The following PABPN1L variants were observed in gnomAD, a reference collection of about 807,000 sequenced individuals.
PABPN1L encodes the protein PABPN1 like, cytoplasmic.
PABPN1L carries 45 observed loss-of-function variants against 34.0 expected under a neutral mutation model. That is an observed-to-expected ratio of 1.32 (90% CI 1.04 to 1.70). The LOEUF (loss-of-function observed/expected upper bound fraction) is 1.70, where lower values mean the gene tolerates loss of function less well. Ranked by LOEUF, PABPN1L falls within the 40% of genes most tolerant of loss-of-function variation. The pLI is 0.00. For synonymous variants in PABPN1L, 182 were observed against 152.1 expected (o/e 1.20, Z -1.45); for missense variants, 459 against 367.8 (o/e 1.25, Z -2.03).
upstream of PABPN1L, among the ~76,000 whole-genome samples, chr16:88,868,907 A>G (rs8047028): frequency 0.11 from 16,245 of 152,154 alleles, 2,266 homozygotes; most frequent in African/African-American, 0.33. Flanking sequence ...AGCGGAGGGT[A>G]ACGTTAGCTC....
chr16:88,866,369 A>G, exon 1 of PABPN1L: 1 of 1,550,330 alleles, frequency 6.5e-7, no homozygotes, highest in Non-Finnish European at 8.7e-7. Flanking sequence ...GGCAATGGGC[A>G]CTCAGCCAGG....
chr16:88,868,402 A>G (rs528388049), upstream of PABPN1L, among the ~76,000 whole-genome samples: 87 of 152,238 alleles, frequency 5.7e-4, 1 homozygote, highest in African/African-American at 2.0e-3. Flanking sequence ...CAGGAGTTCA[A>G]AACCAGCCTG....
exon 3 of PABPN1L, chr16:88,865,562 CGTT>C: frequency 6.2e-7 from 1 of 1,611,424 alleles, no homozygotes; most frequent in South Asian, 1.1e-5. Flanking sequence ...CCACCACTCA[CGTT>C]GCCCACGTAG....
chr16:88,865,351 A>G (rs1027446106), intron 3 of PABPN1L, among the ~76,000 whole-genome samples: 7 of 151,204 alleles, frequency 4.6e-5, no homozygotes, highest in Non-Finnish European at 1.5e-5. Context: ...AGCTTCTCAA[A>G]AGTGGAGATT....
chr16:88,865,314 C>A (rs902792738), intron 3 of PABPN1L, among the ~76,000 whole-genome samples, 186 bp from the exon 4 acceptor site: 3 of 150,830 alleles, frequency 2.0e-5, no homozygotes, highest in African/African-American at 4.9e-5. Flanking sequence ...GGAGCGCTTC[C>A]TTCTGGAGAG....
chr16:88,870,018 G>C (rs2143021628), upstream of PABPN1L, among the ~76,000 whole-genome samples: 1 of 152,332 alleles, frequency 6.6e-6, no homozygotes, highest in East Asian at 1.9e-4. Flanking sequence ...AGGGCCCCAT[G>C]GGGGTGGCTG....
chr16:88,863,651 C>T (rs1175068169), exon 7 of PABPN1L: 10 of 1,397,802 alleles, frequency 7.2e-6, no homozygotes, highest in African/African-American at 3.1e-5. Context: ...CCCCTCTCCT[C>T]TGGCCTCGCC....
chr16:88,865,030 G>T, exon 4 of PABPN1L: 1 of 1,599,882 alleles, frequency 6.3e-7, no homozygotes, highest in Non-Finnish European at 8.5e-7. Context: ...ACCCCTTGGG[G>T]TGTCCAGAGA....
exon 6 of PABPN1L, chr16:88,864,308 G>A (rs1178277827): frequency 1.9e-6 from 3 of 1,555,798 alleles, no homozygotes; most frequent in African/African-American, 1.4e-5. Context: ...CCCCCCTGGA[G>A]CCTGGGTGTC....
At chr16:88,866,777 C>T (rs1968614417), upstream of PABPN1L, 1 of 913,222 alleles carries the variant, frequency 1.1e-6, no homozygotes, top group Middle Eastern at 3.5e-4. Flanking sequence ...TGGCTCCCGG[C>T]CCCGCCCCTT....
exon 7 of PABPN1L, chr16:88,863,460 T>G (rs1269343710): frequency 3.6e-6 from 2 of 548,108 alleles, no homozygotes; most frequent in Admixed American, 3.1e-5. Flanking sequence ...TGGCACTGCC[T>G]GGGACTCTGC....
exon 1 of PABPN1L, chr16:88,866,362 A>G: frequency 6.5e-7 from 1 of 1,550,090 alleles, no homozygotes. Context: ...CTGGTCAGGC[A>G]ATGGGCACTC....
chr16:88,865,647 T>TCAGGCCCG lies in PABPN1L; in HGVS notation c.392-25_392-18dup. ...GGGGGCAGCCTGCGGAGAACACAGC[T>TCAGGCCCG]CAGGCCCGCAGGCCCTTGGTTCCTT... On this transcript the variant is annotated splice_polypyrimidine_tract_variant and intron_variant, in intron 2 of 6. Coordinates refer to ENST00000419291, the Ensembl canonical transcript of PABPN1L. 6.3e-7 allele frequency: 1 copy of TCAGGCCCG among 1,596,454 alleles called. No homozygotes were observed. The highest frequency in any genetic ancestry group is 1.1e-5 in the South Asian group (1 of 89,120).
chr16:88,866,301 C>T, intron 1 of PABPN1L, 51 bp downstream of exon 1: 3 of 1,522,180 alleles, frequency 2.0e-6, no homozygotes, highest in East Asian at 2.5e-5. Flanking sequence ...CTCCACCAGC[C>T]CCTGTGCCCC....
At chr16:88,865,502 A>G (rs1968569040) in intron 3 of PABPN1L, 61 bp downstream of exon 3, 1 of 1,568,208 alleles carries the variant, frequency 6.4e-7, no homozygotes, top group Non-Finnish European at 8.6e-7. Flanking sequence ...CGGGCGCCAG[A>G]CCCTCTGGTA....
chr16:88,865,475 G>T, intron 3 of PABPN1L, 88 bp downstream of exon 3: 1 of 1,507,152 alleles, frequency 6.6e-7, no homozygotes, highest in Non-Finnish European at 9.0e-7. Context: ...TCCCAGCAAG[G>T]CTGCCTGGCC....
At chr16:88,863,740 A>G in exon 7 of PABPN1L, 1 of 1,535,954 alleles carries the variant, frequency 6.5e-7, no homozygotes, top group East Asian at 2.4e-5. Context: ...CCCTCTCTCA[A>G]AATCGGGTCT....
At chr16:88,867,230 T>C (rs1597642530), upstream of PABPN1L, among the ~76,000 whole-genome samples, 1 of 151,722 alleles carries the variant, frequency 6.6e-6, no homozygotes, top group East Asian at 1.9e-4. Context: ...CTTTTTTTTT[T>C]TTTTCTTTTT....
At position 88,864,297 on chromosome 16, in the gene PABPN1L, G is replaced by T. The variant is rs758401342; in HGVS notation, c.737C>A (p.Ala246Glu). Residue 246 changes from alanine (A) to glutamate (E), a missense_variant, in exon 6 of 7, where the codon GCA becomes GAA. Coordinates refer to ENST00000419291, the Ensembl canonical transcript of PABPN1L. The stretch of plus-strand genomic sequence containing the variant: ...CTGGAGGCCGCTGTGGGGGAAGGGT[G>T]CCCCCCTGGAGCCTGGGTGTCCTCG... The T allele has an allele frequency of 2.6e-6, 4 of 1,554,596 alleles. No homozygotes were observed. The Admixed American group carries it at 5.8e-5, about 22-fold the overall frequency.
Sources: allele counts gnomAD v4.1 joint callset (sites outside exome capture counted in the v4.1 genomes callset), GRCh38; gene constraint gnomAD v4.1.1; transcripts MANE v1.5; gene names NCBI Gene and HGNC (gene_info 2026-07-23, HGNC 2026-07-21).